FBN3: variants seen among roughly 807,000 people sequenced by gnomAD.
The protein encoded by FBN3 is fibrillin-3.
FBN3 carries 234 observed loss-of-function variants against 330.1 expected under a neutral mutation model. That is an observed-to-expected ratio of 0.71 (90% CI 0.64 to 0.79). The LOEUF is 0.79. FBN3 is among the 30% of genes least tolerant of loss of function. The probability of loss-of-function intolerance (pLI) is 0.00; values close to 1 mark genes in which losing one functional copy is unlikely to be tolerated. For synonymous variants in FBN3, 1,458 were observed against 1,517.3 expected (o/e 0.96, Z 0.91); for missense variants, 3,606 against 3,886.9 (o/e 0.93, Z 1.92).
At chr19:8,083,993 A>G (rs1215593696) in intron 56 of FBN3, among the ~76,000 whole-genome samples, 1 of 151,732 alleles carries the variant, frequency 6.6e-6, no homozygotes, top group Non-Finnish European at 1.5e-5. Context: ...TAATAGAGAC[A>G]GGGTTTCACC....
At chr19:8,125,404 AC>A (rs1207606540) in intron 22 of FBN3, among the ~76,000 whole-genome samples, 1 of 145,612 alleles carries the variant, frequency 6.9e-6, no homozygotes, top group African/African-American at 2.6e-5. Context: ...ACAGAGTGAG[AC>A]CCTGTCTCAA....
intron 56 of FBN3, 103 bp downstream of exon 56, chr19:8,085,260 G>A: frequency 1.5e-6 from 1 of 685,184 alleles, no homozygotes; most frequent in East Asian, 3.3e-5. Context: ...CACACACAGT[G>A]TGGCTCACAC....
At position 8,088,060 on chromosome 19, in the gene FBN3, C is replaced by G. The variant is rs369302494; in HGVS notation, c.6496G>C (p.Asp2166His). The change falls in exon 52 of 64, where the codon GAC (aspartate) becomes CAC (histidine). Residue 2166 changes from aspartate to histidine, a missense_variant and splice_region_variant. Coordinates refer to ENST00000600128, the MANE Select transcript of FBN3 (RefSeq NM_032447.5). Reference sequence around the variant, plus strand: ...AGGTCCTGGGCAAGCAGAGTTGTACCCTCGCAGGTCATCATGAGGCCAGGC... The same window carrying G: ...AGGTCCTGGGCAAGCAGAGTTGTACGCTCGCAGGTCATCATGAGGCCAGGC... ...FEPGLMMTCE[D>H]IDECSLNPLL... is the part of the protein sequence containing the mutation. 6.2e-7 allele frequency: 1 copy of G among 1,614,002 alleles called. No individual in the cohort carries two copies. Among genetic ancestry groups the G allele is most frequent in the African/African-American group, 1.3e-5 (1 of 74,922 alleles).
intron 30 of FBN3, among the ~76,000 whole-genome samples, chr19:8,113,165 C>T (rs2082628462): frequency 6.6e-6 from 1 of 152,228 alleles, no homozygotes; most frequent in Non-Finnish European, 1.5e-5. Flanking sequence ...ATGGCTTACA[C>T]CTGTAATCCC....
chr19:8,117,795 C>G (rs898033773), intron 26 of FBN3, among the ~76,000 whole-genome samples: 2 of 152,088 alleles, frequency 1.3e-5, no homozygotes, highest in African/African-American at 4.8e-5. Context: ...TATACACACC[C>G]CACGTGCCCG....
intron 57 of FBN3, 122 bp downstream of exon 57, chr19:8,083,125 A>T: frequency 8.2e-7 from 1 of 1,213,892 alleles, no homozygotes; most frequent in Non-Finnish European, 1.2e-6. Context: ...TGGTTTGGGC[A>T]CCACTTTGTA....
intron 38 of FBN3, among the ~76,000 whole-genome samples, chr19:8,104,687 G>C (rs1327797281): frequency 1.3e-5 from 2 of 152,090 alleles, no homozygotes; most frequent in African/African-American, 2.4e-5. Flanking sequence ...TCTAGTCCAG[G>C]GGTAGTAAGC....
chr19:8,117,128 C>A lies in FBN3; in HGVS notation c.3586+41G>T, dbSNP rs10408476. The stretch of plus-strand genomic sequence containing the variant: ...GGACCCAGCCAACACCTCCTCCTCA[C>A]CCTCCACACCAGGCAGTGGGAAGAA... On this transcript the variant is annotated intron_variant, in intron 28 of 63. Transcript: ENST00000600128. The A allele has an allele frequency of 0.01, 16,704 of 1,611,020 alleles. 830 individuals are homozygous for A. The African/African-American group carries it at 0.14, about 14-fold the overall frequency.
intron 37 of FBN3, among the ~76,000 whole-genome samples, chr19:8,107,805 AGGAT>A (rs150704121): frequency 0.082 from 11,966 of 146,590 alleles, 582 homozygotes; most frequent in South Asian, 0.12. Flanking sequence ...AAAAAATGGA[AGGAT>A]GGATGGATGG....
Position 8,147,332 on chromosome 19 carries a change from C to T in FBN3, c.149G>A (p.Ser50Asn). Reference sequence around the variant, plus strand: ...CACGCACCCCTGCAAGATGCCTGGGCTGCCCCGCCTCCGCACACGTCCAGG... The same window carrying T: ...CACGCACCCCTGCAAGATGCCTGGGTTGCCCCGCCTCCGCACACGTCCAGG... The part of the protein sequence containing the change: ...AGPGRVRRRG[S>N]PGILQGPNVC... The change falls in exon 2 of 64, where the codon AGC becomes AAC. Residue 50 changes from serine (S) to asparagine (N), a missense_variant. Physicochemically the swap from Ser to Asn is conservative, Grantham distance 46. Coordinates refer to ENST00000600128, the MANE Select transcript of FBN3 (RefSeq NM_032447.5). 1 of 1,597,054 alleles carries T rather than the reference C, an allele frequency of 6.3e-7. No homozygotes were observed. The highest frequency in any genetic ancestry group is 8.5e-7 in the Non-Finnish European group (1 of 1,173,970).
intron 42 of FBN3, 108 bp downstream of exon 42, chr19:8,097,181 A>G (rs2082228995): frequency 2.0e-6 from 3 of 1,486,908 alleles, no homozygotes; most frequent in Admixed American, 4.0e-5. Flanking sequence ...CCCATTATAC[A>G]TACAGGGAAA....
At position 8,119,162 on chromosome 19, in the gene FBN3, G is replaced by A. The variant is rs1348891607; in HGVS notation, c.3212-140C>T. Reference sequence around the variant, plus strand: ...GGAGCCAGGAGAGCCTGGAGGCTCCGGGTTGGGATGACCCAGGGGAGTGGG... The same window carrying A: ...GGAGCCAGGAGAGCCTGGAGGCTCCAGGTTGGGATGACCCAGGGGAGTGGG... On this transcript the variant is annotated intron_variant, in intron 25 of 63. Transcript: ENST00000600128. 1.5e-5 allele frequency: 15 copies of A among 996,502 alleles called. No homozygotes were observed. The East Asian group carries it at 1.9e-4, about 12-fold the overall frequency. The allele number at this position is 996,502 out of a possible 1,614,324, so 61.7% of individuals were successfully genotyped here.
At position 8,081,006 on chromosome 19, in the gene FBN3, A is replaced by T; in HGVS notation, c.7450T>A (p.Phe2484Ile). 6.2e-7 allele frequency: 1 copy of T among 1,608,474 alleles called. No individual in the cohort carries two copies. Among genetic ancestry groups the T allele is most frequent in the Non-Finnish European group, 8.5e-7 (1 of 1,176,440 alleles). ...PGFTQHHQAC[F>I]DNDECSAQPG... ...GTGAGGGGCAAGGGTCACTCACCGA[A>T]GCAGGCCTGGTGGTGCTGGGTGAAG... The change falls in exon 59 of 64, where the codon TTC becomes ATC. Residue 2484 changes from phenylalanine (F) to isoleucine (I), a missense_variant. Transcript: ENST00000600128.
Position 8,066,138 on chromosome 19 carries a change from G to A in FBN3, c.8211C>T (p.Ile2737=), listed in dbSNP as rs2081385210. The change falls in exon 64 of 64, where the codon ATC becomes ATT. Residue 2737 remains isoleucine, a synonymous_variant. Coordinates refer to ENST00000600128, the MANE Select transcript of FBN3 (RefSeq NM_032447.5). Reference sequence around the variant, plus strand: ...CGTTTCCGCGGACGATGACGTAGCGGATCCGGCCCTCTAGACCCTCCAGGG... The same window carrying A: ...CGTTTCCGCGGACGATGACGTAGCGAATCCGGCCCTCTAGACCCTCCAGGG... ...RPALEGLEGR[I]RYVIVRGNEQ... is the part of the protein sequence containing the mutation. 1 of 1,613,370 alleles carries A rather than the reference G, an allele frequency of 6.2e-7. No individual in the cohort carries two copies.
intron 41 of FBN3, among the ~76,000 whole-genome samples, chr19:8,099,350 G>A (rs184982995): frequency 8.2e-5 from 11 of 134,392 alleles, no homozygotes; most frequent in African/African-American, 2.2e-4. Flanking sequence ...GCACGATCTC[G>A]GCTCACTGCA....
At position 8,141,746 on chromosome 19, in the gene FBN3, C is replaced by T. The variant is rs78406953; in HGVS notation, c.836G>A (p.Arg279Gln). 2.8e-4 allele frequency: 457 copies of T among 1,614,122 alleles called. No homozygotes were observed. The African/African-American group carries it at 4.6e-3, about 16-fold the overall frequency. ...SFHCRCPVGH[R>Q]LSDSSAACED... is the part of the protein sequence containing the mutation. The stretch of plus-strand genomic sequence containing the variant: ...ACATGCGGCGCTGCTGTCACTGAGC[C>T]GGTGTCCAACTGGACAGCGGCAATG... Residue 279 changes from arginine to glutamine, a missense_variant, in exon 8 of 64, where the codon CGG becomes CAG. Coordinates refer to ENST00000600128, the MANE Select transcript of FBN3 (RefSeq NM_032447.5).
rs2082522158 is a variant in FBN3 at position 8,109,281 on chromosome 19, A to G, written c.4564T>C (p.Ser1522Pro). ...GGATTGCCCCAAGCCCGGCCCAGGG[A>G]GCAACAGCAGGAAGCTCGGGTGACA... is the stretch of plus-strand genomic sequence containing the variant. ...VGVTRASCCC[S>P]LGRAWGNPCE... Residue 1522 changes from serine (S) to proline (P), a missense_variant, in exon 36 of 64, where the codon TCC becomes CCC. Transcript: ENST00000600128. The surrounding 1 kb of genome is among the most constrained non-coding windows in gnomAD (Gnocchi z 5.2). 1 of 1,614,114 alleles carries G rather than the reference A, an allele frequency of 6.2e-7. No individual in the cohort carries two copies. The highest frequency in any genetic ancestry group is 8.5e-7 in the Non-Finnish European group (1 of 1,180,006).
At chr19:8,135,937 C>CCCCCCCCCCCCCCCCCCCCCCCCAA in intron 13 of FBN3, 24 bp downstream of exon 13, 1 of 116,776 alleles carries the variant, frequency 8.6e-6, no homozygotes, top group Non-Finnish European at 1.6e-5. Context: ...GAAGCCCCTG[C>CCCCCCCCCCCCCCCCCCCCCCCCAA]CCACCCGCCC....
chr19:8,130,599 A>AG (rs1340081934), intron 16 of FBN3, among the ~76,000 whole-genome samples: 9 of 14,312 alleles, frequency 6.3e-4, no homozygotes, highest in Non-Finnish European at 1.1e-3. Flanking sequence ...AAAGAAAGAA[A>AG]GAAAGAAAGA....
Sources: gnomAD v4.1 joint callset for allele counts (sites outside exome capture counted in the v4.1 genomes callset) on GRCh38, gnomAD v4.1.1 for gene constraint, Gnocchi (gnomAD v3.1) non-coding constraint, MANE v1.5 for transcripts, NCBI Gene and HGNC (gene_info 2026-07-23, HGNC 2026-07-21) for gene names.